Variants in ZFHX4 observed in about 807,000 individuals in gnomAD.
The protein encoded by ZFHX4 is zinc finger homeobox protein 4.
A neutral mutation model predicts 267.6 loss-of-function variants in ZFHX4; 56 were observed. The ratio of observed to expected loss-of-function variants is 0.21; its 90% CI spans 0.17 to 0.26. ZFHX4 has a LOEUF of 0.26. ZFHX4 is among the 10% of genes least tolerant of loss of function. The probability of loss-of-function intolerance (pLI) is 1.00; values close to 1 mark genes in which losing one functional copy is unlikely to be tolerated. For synonymous variants in ZFHX4, 1,778 were observed against 1,665.6 expected, an observed-to-expected ratio of 1.07 and a Z score of -1.64; for missense variants, 4,332 against 4,420.0, an observed-to-expected ratio of 0.98 and a Z score of 0.56.
chr8:76,807,289 T>C (rs1259117650), intron 4 of ZFHX4, among the ~76,000 whole-genome samples: 1 of 151,936 alleles, frequency 6.6e-6, no homozygotes, highest in Non-Finnish European at 1.5e-5. Context: ...CCAAAGACGG[T>C]GCACAGAGAA....
chr8:76,830,316 A>G (rs951002220), intron 4 of ZFHX4, among the ~76,000 whole-genome samples: 1 of 152,244 alleles, frequency 6.6e-6, no homozygotes, highest in African/African-American at 2.4e-5. Flanking sequence ...AATACTGGAT[A>G]AACTAAGTCA....
intron 3 of ZFHX4, among the ~76,000 whole-genome samples, chr8:76,773,355 C>A (rs971962826): frequency 6.6e-6 from 1 of 152,130 alleles, no homozygotes; most frequent in African/African-American, 2.4e-5. Flanking sequence ...TAAAATGTTG[C>A]AGAATCATTG....
At chr8:76,773,768 A>G (rs988831516) in intron 3 of ZFHX4, among the ~76,000 whole-genome samples, 2 of 152,164 alleles carry the variant, frequency 1.3e-5, no homozygotes, top group East Asian at 3.8e-4. Context: ...AATTTATTTC[A>G]TCTATGCTTT....
chr8:76,722,162 C>G (rs1293882121), intron 3 of ZFHX4, among the ~76,000 whole-genome samples: 3 of 151,984 alleles, frequency 2.0e-5, no homozygotes, highest in Admixed American at 1.3e-4. Flanking sequence ...CAAGGGCTAC[C>G]AATGTTCCTA....
At chr8:76,682,184 T>C (rs888834368) in intron 1 of ZFHX4, among the ~76,000 whole-genome samples, 1 of 152,124 alleles carries the variant, frequency 6.6e-6, no homozygotes, top group Non-Finnish European at 1.5e-5. Flanking sequence ...GTTTGGACGT[T>C]GGTCGGTGGG....
chr8:76,706,304 T>A lies in ZFHX4; in HGVS notation c.2216T>A (p.Phe739Tyr), dbSNP rs199511203. ...CAAAATGGCAATGGTGAGCAGGTGT[T>A]TGGCCACTCTGCCCCAGCCCCCAAC... ...NLQNGNGEQVFGHSAPAPNTS... is the reference protein window; with the variant it reads ...NLQNGNGEQVYGHSAPAPNTS... Residue 739 changes from phenylalanine (F) to tyrosine (Y), a missense_variant, in exon 2 of 11, where the codon TTT becomes TAT. By Grantham distance (22) the Phe-to-Tyr change is conservative (BLOSUM62 3). Around this residue, in one of 7 missense-constraint regions of ZFHX4, gnomAD observed 1,195 missense variants for 1,173.6 expected, o/e 1.02. Transcript: ENST00000651372. The A allele has an allele frequency of 4.3e-5, 70 of 1,614,068 alleles. No homozygotes were observed. In the African/African-American group the frequency reaches 8.9e-4, roughly 21 times the overall value.
chr8:76,863,668 G>A lies in ZFHX4; in HGVS notation c.9954G>A (p.Gln3318=), dbSNP rs1171963475. ...AGLSPGALLQ[Q]YQQYQQNLQE... ...TGTCCCCAGGTGCACTGTTGCAGCA[G>A]TACCAACAGTATCAGCAGAACCTGC... Residue 3318 remains glutamine (Q), a synonymous_variant, in exon 11 of 11, where the codon CAG becomes CAA. Transcript: ENST00000651372. 1.2e-6 allele frequency: 2 copies of A among 1,605,826 alleles called. No homozygotes were observed. The highest frequency in any genetic ancestry group is 1.1e-5 in the South Asian group (1 of 90,506).
At position 76,855,966 on chromosome 8, in the gene ZFHX4, G is replaced by C. The variant is rs375662274; in HGVS notation, c.9045G>C (p.Lys3015Asn). Reference sequence around the variant, plus strand: ...CAGAGTGTACCCTCTGCGGGGTGAAGTACTCTGCCCGCTTGTCCATCAGAG... The same window carrying C: ...CAGAGTGTACCCTCTGCGGGGTGAACTACTCTGCCCGCTTGTCCATCAGAG... ...TKPECTLCGV[K>N]YSARLSIRDH... is the part of the protein sequence containing the mutation. The change falls in exon 10 of 11, where the codon AAG becomes AAC. Residue 3015 changes from lysine (K) to asparagine (N), a missense_variant. Physicochemically the swap from Lys to Asn is moderately conservative, Grantham distance 94. This residue lies in a region of ZFHX4 where 1,648 missense variants were observed against 1,625.0 expected (regional missense o/e 1.01). Transcript: ENST00000651372. 1.2e-6 allele frequency: 2 copies of C among 1,613,930 alleles called. No individual in the cohort carries two copies. The highest frequency in any genetic ancestry group is 8.5e-7 in the Non-Finnish European group (1 of 1,179,882).
intron 1 of ZFHX4, among the ~76,000 whole-genome samples, chr8:76,702,476 T>C (rs893195769): frequency 2.0e-5 from 3 of 152,200 alleles, no homozygotes; most frequent in Non-Finnish European, 4.4e-5. Context: ...CTTTCTTGTA[T>C]AAGAACATTT....
intron 1 of ZFHX4, chr8:76,683,311 T>G (rs1473717423): frequency 7.3e-6 from 1 of 136,460 alleles, no homozygotes; most frequent in Non-Finnish European, 1.5e-5. Flanking sequence ...TTCTCCCTAC[T>G]CTTCCCCCCA....
At chr8:76,850,415 T>C in intron 9 of ZFHX4, 53 bp downstream of exon 9, 9 of 1,387,730 alleles carry the variant, frequency 6.5e-6, no homozygotes, top group Non-Finnish European at 9.0e-6. Flanking sequence ...GGGCTTTGCA[T>C]TTGTGGTGGT....
At chr8:76,811,579 C>A (rs187562498) in intron 4 of ZFHX4, among the ~76,000 whole-genome samples, 1 of 152,008 alleles carries the variant, frequency 6.6e-6, no homozygotes, top group African/African-American at 2.4e-5. Context: ...TGTTTGGAGA[C>A]CCACCCAGAC....
rs533108847 is a variant in ZFHX4 at position 76,844,561 on chromosome 8, G to T, written c.3511+1790G>T. Among the ~76,000 whole-genome samples, 7 of 152,094 alleles carry T rather than the reference G, an allele frequency of 4.6e-5. No homozygotes were observed. The South Asian group carries it at 1.5e-3, about 32-fold the overall frequency. On this transcript the variant is annotated intron_variant, in intron 6 of 10. Coordinates refer to ENST00000651372, the MANE Select transcript of ZFHX4 (RefSeq NM_024721.5). ...CTTTACCAGTGCCACTTACTGCTCC[G>T]CAAAAGTAGTGGACTCAATCACTCC...
In ZFHX4 at chr8:76,795,756, C is replaced by T. The variant is rs116611795; in HGVS notation, c.3325+17317C>T. 4.0e-3 allele frequency among the ~76,000 whole-genome samples: 604 copies of T among 152,052 alleles called. 6 individuals are homozygous for T. Among genetic ancestry groups the T allele is most frequent in the African/African-American group, 0.012 (494 of 41,498 alleles). On this transcript the variant is annotated intron_variant, in intron 4 of 10. Transcript: ENST00000651372. The stretch of plus-strand genomic sequence containing the variant: ...GGTTTCTCCATGTTGAGACTGGTCT[C>T]GATCTCCTGACCTCAGGTGATCCGC...
At chr8:76,802,230 C>A (rs1323437692) in intron 4 of ZFHX4, among the ~76,000 whole-genome samples, 2 of 152,064 alleles carry the variant, frequency 1.3e-5, no homozygotes, top group African/African-American at 2.4e-5. Flanking sequence ...CCAGAACTGT[C>A]AATAGTAATT....
rs1188201650 is a variant in ZFHX4, at chr8:76,835,239, A to ATATATATG, written c.3394+1834_3394+1835insATATATGT. 9.4e-4 allele frequency among the ~76,000 whole-genome samples: 66 copies of ATATATATG among 69,894 alleles called. 1 individual carries two copies. Among genetic ancestry groups the ATATATATG allele is most frequent in the African/African-American group, 5.2e-3 (62 of 11,932 alleles). The allele number at this position is 69,894 out of a possible 152,430, so 45.9% of individuals were successfully genotyped here. The stretch of plus-strand genomic sequence containing the variant: ...TATATGTATATATATATATATATAT[A>ATATATATG]TGTATATATATATATATATATTCAT... On this transcript the variant is annotated intron_variant, in intron 5 of 10. Transcript: ENST00000651372.
chr8:76,766,826 A>G (rs1311753235), intron 3 of ZFHX4, among the ~76,000 whole-genome samples: 2 of 150,242 alleles, frequency 1.3e-5, no homozygotes, highest in Non-Finnish European at 2.9e-5. Context: ...CTTTTCAATT[A>G]CTATTTAAAT....
intron 3 of ZFHX4, among the ~76,000 whole-genome samples, chr8:76,731,555 T>A (rs1202705523): frequency 2.0e-5 from 3 of 152,068 alleles, no homozygotes; most frequent in Non-Finnish European, 4.4e-5. Flanking sequence ...TGGGTTTGAG[T>A]GAATAAAAGA....
At chr8:76,723,497 C>T (rs554955690) in intron 3 of ZFHX4, among the ~76,000 whole-genome samples, 1 of 151,516 alleles carries the variant, frequency 6.6e-6, no homozygotes, top group South Asian at 2.1e-4. Flanking sequence ...TTCTTATAAA[C>T]AGGAAGCAGA....
Sources: gnomAD v4.1 joint callset for allele counts (sites outside exome capture counted in the v4.1 genomes callset) on GRCh38, gnomAD v4.1.1 for gene constraint, gnomAD v4.1.1 regional missense constraint, MANE v1.5 for transcripts, NCBI Gene and HGNC (gene_info 2026-07-23, HGNC 2026-07-21) for gene names.